TMEFF2: variants seen among roughly 807,000 people sequenced by gnomAD.
TMEFF2 encodes the protein transmembrane protein with EGF like and two follistatin like domains 2.
A neutral mutation model predicts 53.8 loss-of-function variants in TMEFF2; 28 were observed. The ratio of observed to expected loss-of-function variants is 0.52; its 90% CI spans 0.39 to 0.71. TMEFF2 has a LOEUF of 0.71. TMEFF2 is among the 30% of genes least tolerant of loss of function. The probability of loss-of-function intolerance (pLI) is 0.00; values close to 1 mark genes in which losing one functional copy is unlikely to be tolerated. For missense variants in TMEFF2, 353 were observed against 455.2 expected, an observed-to-expected ratio of 0.78 and a Z score of 2.04; for synonymous variants, 162 against 166.3, an observed-to-expected ratio of 0.97 and a Z score of 0.20.
At chr2:192,138,495 G>A (rs1574407974) in intron 4 of TMEFF2, among the ~76,000 whole-genome samples, 1 of 152,138 alleles carries the variant, frequency 6.6e-6, no homozygotes, top group South Asian at 2.1e-4. Flanking sequence ...CCATAGGTCC[G>A]GTCTGAGGCC....
chr2:192,186,268 T>C (rs780198845), intron 2 of TMEFF2, among the ~76,000 whole-genome samples: 3 of 152,184 alleles, frequency 2.0e-5, no homozygotes, highest in Non-Finnish European at 2.9e-5. Context: ...TTAATTTACA[T>C]CTGAAAACTG....
chr2:191,983,566 T>G (rs927190054), intron 7 of TMEFF2, among the ~76,000 whole-genome samples: 1 of 152,128 alleles, frequency 6.6e-6, no homozygotes, highest in African/African-American at 2.4e-5. Flanking sequence ...ATATATAAGA[T>G]GACAGTGCCT....
chr2:192,157,303 G>T (rs1690528182), intron 4 of TMEFF2, among the ~76,000 whole-genome samples: 1 of 151,984 alleles, frequency 6.6e-6, no homozygotes, highest in Non-Finnish European at 1.5e-5. Context: ...TAGTAACCTG[G>T]ACATCTTAGG....
At chr2:191,982,087 C>T (rs1341823810) in intron 7 of TMEFF2, among the ~76,000 whole-genome samples, 1 of 152,070 alleles carries the variant, frequency 6.6e-6, no homozygotes, top group Non-Finnish European at 1.5e-5. Context: ...ACAGCAACAA[C>T]AATTCTGAAG....
chr2:192,151,441 C>A (rs1441839926), intron 4 of TMEFF2, among the ~76,000 whole-genome samples: 1 of 151,770 alleles, frequency 6.6e-6, no homozygotes, highest in South Asian at 2.1e-4. Context: ...TCAAGAGTTG[C>A]ATTTTCACAT....
At chr2:191,985,299 G>C (rs1385712830) in intron 7 of TMEFF2, among the ~76,000 whole-genome samples, 12 of 151,970 alleles carry the variant, frequency 7.9e-5, no homozygotes, top group Non-Finnish European at 2.9e-5. Context: ...TAGTTTTTTT[G>C]ATAATTTGTC....
chr2:192,096,176 T>TC (rs1247791404), intron 4 of TMEFF2, among the ~76,000 whole-genome samples: 3 of 152,130 alleles, frequency 2.0e-5, no homozygotes, highest in Non-Finnish European at 4.4e-5. Context: ...TATGACTTGG[T>TC]CCCCCATTAA....
At chr2:192,152,596 G>A (rs1002081622) in intron 4 of TMEFF2, among the ~76,000 whole-genome samples, 2 of 151,984 alleles carry the variant, frequency 1.3e-5, no homozygotes, top group African/African-American at 2.4e-5. Context: ...TATGAAGGTA[G>A]CTAGTATGGT....
intron 7 of TMEFF2, among the ~76,000 whole-genome samples, chr2:191,982,412 GT>G (rs1238955733): frequency 1.9e-4 from 28 of 150,280 alleles, no homozygotes; most frequent in Non-Finnish European, 7.4e-5. Context: ...TTAAATCTCA[GT>G]TCTGAGATTT....
intron 3 of TMEFF2, among the ~76,000 whole-genome samples, chr2:192,179,990 G>T (rs1265016511): frequency 6.6e-6 from 1 of 151,332 alleles, no homozygotes; most frequent in East Asian, 1.9e-4. Flanking sequence ...GGCTGGATTT[G>T]GTGCCATTAG....
intron 4 of TMEFF2, among the ~76,000 whole-genome samples, chr2:192,079,359 T>C (rs1174548325): frequency 6.6e-6 from 1 of 152,222 alleles, no homozygotes; most frequent in East Asian, 1.9e-4. Context: ...TTGGAAGGCT[T>C]CTGTAGCCTA....
intron 4 of TMEFF2, among the ~76,000 whole-genome samples, chr2:192,150,406 T>C (rs928280131): frequency 6.6e-6 from 1 of 151,852 alleles, no homozygotes; most frequent in African/African-American, 2.4e-5. Flanking sequence ...TGGAGAAACA[T>C]TCACCGCTCA....
chr2:191,976,528 C>A (rs1275630330), intron 7 of TMEFF2, among the ~76,000 whole-genome samples: 2 of 152,164 alleles, frequency 1.3e-5, no homozygotes, highest in Non-Finnish European at 2.9e-5. Context: ...CCCTGGCTTA[C>A]AATTACAAGG....
rs1686444318 is a variant in TMEFF2 at position 192,004,267 on chromosome 2, TTG to T, written c.537-5061_537-5060del. Among the ~76,000 whole-genome samples, 4 of 152,284 alleles carry T rather than the reference TTG, an allele frequency of 2.6e-5. No individual in the cohort carries two copies. The South Asian group carries it at 8.3e-4, about 32-fold the overall frequency. On this transcript the variant is annotated intron_variant, in intron 5 of 9. Coordinates refer to ENST00000272771, the MANE Select transcript of TMEFF2 (RefSeq NM_016192.4). ...CTAAGGCTCACTGTCCTCCTTTTAT[TTG>T]TGTTTCCACAGACAAAGGAAACAGG...
intron 4 of TMEFF2, among the ~76,000 whole-genome samples, chr2:192,070,824 GAAGA>G (rs1688278530): frequency 6.6e-6 from 1 of 151,886 alleles, no homozygotes; most frequent in Non-Finnish European, 1.5e-5. Context: ...CCAATGTTGA[GAAGA>G]AAGATCAAAT....
chr2:192,167,587 T>C (rs1690799636), intron 4 of TMEFF2, among the ~76,000 whole-genome samples: 1 of 152,152 alleles, frequency 6.6e-6, no homozygotes, highest in South Asian at 2.1e-4. Flanking sequence ...TCTTCACTAG[T>C]TTGTTCTTTT....
intron 4 of TMEFF2, among the ~76,000 whole-genome samples, chr2:192,139,575 A>G (rs371934982): frequency 6.6e-6 from 1 of 152,218 alleles, no homozygotes; most frequent in East Asian, 1.9e-4. Flanking sequence ...AGATGAACAA[A>G]TGACCAATTT....
At chr2:192,140,262 T>C (rs2105988874) in intron 4 of TMEFF2, among the ~76,000 whole-genome samples, 1 of 152,304 alleles carries the variant, frequency 6.6e-6, no homozygotes, top group East Asian at 1.9e-4. Flanking sequence ...GACAAGAACA[T>C]GGGAGTTTTA....
intron 4 of TMEFF2, among the ~76,000 whole-genome samples, chr2:192,067,104 TGAG>T (rs1383349824): frequency 1.3e-5 from 2 of 151,830 alleles, no homozygotes; most frequent in African/African-American, 2.4e-5. Flanking sequence ...GATTTGCTAA[TGAG>T]GAGAACAGAG....
Sources: allele counts gnomAD v4.1 joint callset (sites outside exome capture counted in the v4.1 genomes callset), GRCh38; gene constraint gnomAD v4.1.1; transcripts MANE v1.5; gene names NCBI Gene and HGNC (gene_info 2026-07-23, HGNC 2026-07-21).